The following CHMP6 variants were observed in gnomAD, a reference collection of about 807,000 sequenced individuals.
CHMP6 encodes charged multivesicular body protein 6.
CHMP6 carries 10 observed loss-of-function variants against 32.8 expected under a neutral mutation model. The ratio of observed to expected loss-of-function variants is 0.30; its 90% CI spans 0.19 to 0.52. The LOEUF (loss-of-function observed/expected upper bound fraction) is 0.52. Ranked by LOEUF, CHMP6 falls within the 20% of genes least tolerant of loss-of-function variation. The probability of loss-of-function intolerance (pLI) is 0.97; values close to 1 mark genes in which losing one functional copy is unlikely to be tolerated. For synonymous variants in CHMP6, 123 were observed against 105.8 expected (o/e 1.16, Z -1.00); for missense variants, 269 against 263.8 (o/e 1.02, Z -0.14).
Position 80,999,394 on chromosome 17 carries a change from C to T in CHMP6, c.*241C>T, listed in dbSNP as rs2069666604. 2.0e-6 allele frequency: 1 copy of T among 498,592 alleles called. No individual in the cohort carries two copies. The allele number at this position is 498,592 out of a possible 1,614,324, so 30.9% of individuals were successfully genotyped here. A position where few individuals can be genotyped will look rare whatever the true frequency, so the allele number is the denominator to read the frequency against. ...GTCCGGATTAACTCTCGACCGAGCC[C>T]AGCTTCTGCCGGTTGTGGGCTCCCC... On this transcript the variant is annotated 3_prime_UTR_variant, in exon 8 of 8. Transcript: ENST00000325167.
In CHMP6 at chr17:80,997,383, G is replaced by A. The variant is rs376469922; in HGVS notation, c.495+42G>A. 1.1e-5 allele frequency: 18 copies of A among 1,568,400 alleles called. 1 individual carries two copies. The highest frequency in any genetic ancestry group is 4.6e-5 in the East Asian group (2 of 43,764). Reference sequence around the variant, plus strand: ...GACTGAGCACAGTCACTCAGGCAGCGGGACCCCCAGAGCTCAGACCCCCAG... The same window carrying A: ...GACTGAGCACAGTCACTCAGGCAGCAGGACCCCCAGAGCTCAGACCCCCAG... On this transcript the variant is annotated intron_variant, in intron 6 of 7. Transcript: ENST00000325167.
At position 80,991,978 on chromosome 17, in the gene CHMP6, C is replaced by A; in HGVS notation, c.60C>A (p.Ile20=). Residue 20 remains isoleucine, a synonymous_variant, in exon 1 of 8, where the codon ATC becomes ATA. Coordinates refer to ENST00000325167, the MANE Select transcript of CHMP6 (RefSeq NM_024591.5). ...QSRVTEQDKA[I]LQLKQQRDKL... ...GCGTCACGGAGCAGGACAAGGCCAT[C>A]CTGGTGAGGGCCCGGGCCCGGGGTC... 7.0e-7 allele frequency: 1 copy of A among 1,438,124 alleles called. No homozygotes were observed. 89.1% of individuals were successfully genotyped at this position (1,438,124 alleles called of 1,614,324 possible).
chr17:80,998,442 T>C (rs1336120316), intron 7 of CHMP6, 22 bp downstream of exon 7: 3 of 1,614,142 alleles, frequency 1.9e-6, no homozygotes, highest in Non-Finnish European at 2.5e-6. Context: ...TTTGATTCTT[T>C]TGAATGGTTG....
At chr17:80,993,475 C>T (rs2069610820) in intron 1 of CHMP6, among the ~76,000 whole-genome samples, 1 of 152,046 alleles carries the variant, frequency 6.6e-6, no homozygotes, top group African/African-American at 2.4e-5. Flanking sequence ...GGGGAGACTC[C>T]GTGGGTGGAG....
intron 5 of CHMP6, 46 bp from the exon 6 acceptor site, chr17:80,997,215 A>G (rs961389669): frequency 6.2e-7 from 1 of 1,610,770 alleles, no homozygotes; most frequent in Non-Finnish European, 8.5e-7. Context: ...TTCCTCCCTG[A>G]GGGGCCACCT....
chr17:80,992,383 A>AT (rs1156509181), intron 1 of CHMP6, among the ~76,000 whole-genome samples: 22 of 100,826 alleles, frequency 2.2e-4, no homozygotes, highest in African/African-American at 8.7e-4. Flanking sequence ...GCTCTCCCGG[A>AT]GTCGCTGCCC....
At chr17:80,997,550 C>T (rs2144152304) in intron 6 of CHMP6, among the ~76,000 whole-genome samples, 1 of 152,228 alleles carries the variant, frequency 6.6e-6, no homozygotes, top group Non-Finnish European at 1.5e-5. Context: ...GGCCCCGTGC[C>T]CTGGACAGAG....
chr17:80,997,181 G>A (rs1366433823), intron 5 of CHMP6, 80 bp from the exon 6 acceptor site: 18 of 1,601,234 alleles, frequency 1.1e-5, no homozygotes, highest in African/African-American at 1.1e-4. Context: ...TCAAGGGGAC[G>A]AGACCCAGCC....
chr17:80,998,362 G>T lies in CHMP6; in HGVS notation c.496-4G>T, dbSNP rs2069656850. 6 of 1,614,186 alleles carry T rather than the reference G, an allele frequency of 3.7e-6. No homozygotes were observed. The highest frequency in any genetic ancestry group is 3.4e-6 in the Non-Finnish European group (4 of 1,180,002). ...CTCATAGCCTTACCCTTTGCTTCTT[G>T]CAGGAACAAATAGAGCTGCCAGAGG... On this transcript the variant is annotated splice_region_variant and splice_polypyrimidine_tract_variant and intron_variant, in intron 6 of 7. Transcript: ENST00000325167.
chr17:80,998,439 C>G lies in CHMP6; in HGVS notation c.550+19C>G. The G allele has an allele frequency of 6.2e-7, 1 of 1,614,112 alleles. No homozygotes were observed. On this transcript the variant is annotated intron_variant, in intron 7 of 7. Transcript: ENST00000325167. Reference sequence around the variant, plus strand: ...ATCCCAGGTATTTCCATGTTTGATTCTTTTGAATGGTTGGAATTCGCAGGA... The same window carrying G: ...ATCCCAGGTATTTCCATGTTTGATTGTTTTGAATGGTTGGAATTCGCAGGA...
intron 4 of CHMP6, among the ~76,000 whole-genome samples, 167 bp from the exon 5 acceptor site, chr17:80,996,840 C>T (rs939961631): frequency 6.6e-6 from 1 of 152,300 alleles, no homozygotes; most frequent in Non-Finnish European, 1.5e-5. Flanking sequence ...GCTACTTGGA[C>T]GGATCGCTTG....
chr17:80,994,065 C>T (rs984526896), intron 1 of CHMP6, among the ~76,000 whole-genome samples: 1 of 152,214 alleles, frequency 6.6e-6, no homozygotes, highest in Non-Finnish European at 1.5e-5. Context: ...GGCACCGCCA[C>T]CACACCCGGC....
chr17:80,993,595 A>T (rs530163739), intron 1 of CHMP6, among the ~76,000 whole-genome samples: 1 of 152,362 alleles, frequency 6.6e-6, no homozygotes, highest in African/African-American at 2.4e-5. Context: ...CTCCTGCCTT[A>T]AGGCCATAAT....
At chr17:80,996,322 G>GA (rs530050854) in intron 4 of CHMP6, among the ~76,000 whole-genome samples, 135 of 141,948 alleles carry the variant, frequency 9.5e-4, no homozygotes, top group Middle Eastern at 3.6e-3. Context: ...TCCGTCTCAG[G>GA]AAAAAAAAAA....
Position 80,999,078 on chromosome 17 carries a change from C to T in CHMP6, c.551-20C>T. On this transcript the variant is annotated intron_variant, in intron 7 of 7. Transcript: ENST00000325167. ...CTGTGGGTCTTTGGCGTGTCATAAA[C>T]ATCTCTGTTTCCTCCACAGAAAACG... is the stretch of plus-strand genomic sequence containing the variant. The T allele has an allele frequency of 6.2e-7, 1 of 1,613,826 alleles. No individual in the cohort carries two copies. Among genetic ancestry groups the T allele is most frequent in the Non-Finnish European group, 8.5e-7 (1 of 1,179,818 alleles).
chr17:80,995,020 C>A lies in CHMP6; in HGVS notation c.175C>A (p.Arg59=). The A allele has an allele frequency of 6.3e-7, 1 of 1,591,978 alleles. No homozygotes were observed. The highest frequency in any genetic ancestry group is 8.5e-7 in the Non-Finnish European group (1 of 1,171,412). The change falls in exon 3 of 8, where the codon CGG becomes AGG. Residue 59 remains arginine, a splice_region_variant and synonymous_variant. Transcript: ENST00000325167. ...TCACTCTCGGGCTTCCCTCTGCAGA[C>A]GGGCCAAGCTGCTGCTCAAGAAGAA... ...RQLLRDGRKE[R]AKLLLKKKRY... is the part of the protein sequence containing the mutation.
intron 6 of CHMP6, among the ~76,000 whole-genome samples, chr17:80,997,641 G>A (rs934579382): frequency 3.9e-5 from 6 of 152,036 alleles, no homozygotes; most frequent in African/African-American, 1.4e-4. Flanking sequence ...TTCCCCAGCC[G>A]TGGCTGCTGA....
rs1251310479 is a variant in CHMP6, at chr17:80,991,861, C to T, written c.-58C>T. The T allele has an allele frequency of 8.5e-6, 11 of 1,297,514 alleles. No homozygotes were observed. Among genetic ancestry groups the T allele is most frequent in the Non-Finnish European group, 1.1e-5 (11 of 1,004,604 alleles). The allele number at this position is 1,297,514 out of a possible 1,614,324, so 80.4% of individuals were successfully genotyped here. A position where few individuals can be genotyped will look rare whatever the true frequency, so the allele number is the denominator to read the frequency against. ...GCGGGAGGACCCGAGCTACGGTGGC[C>T]GCGGGGCGGCGGTGGCGATTGGACT... On this transcript the variant is annotated 5_prime_UTR_variant, in exon 1 of 8. Coordinates refer to ENST00000325167, the MANE Select transcript of CHMP6 (RefSeq NM_024591.5).
intron 3 of CHMP6, among the ~76,000 whole-genome samples, 171 bp downstream of exon 3, chr17:80,995,277 A>G (rs1249592595): frequency 6.6e-6 from 1 of 152,058 alleles, no homozygotes; most frequent in Non-Finnish European, 1.5e-5. Context: ...TCTGCCAGGA[A>G]GCTAATGGTC....
Sources: allele counts gnomAD v4.1 joint callset (sites outside exome capture counted in the v4.1 genomes callset), GRCh38; gene constraint gnomAD v4.1.1; transcripts MANE v1.5; gene names NCBI Gene and HGNC (gene_info 2026-07-23, HGNC 2026-07-21).